KCND3: variants seen among roughly 807,000 people sequenced by gnomAD.
KCND3 encodes the protein A-type voltage-gated potassium channel KCND3.
Under a neutral mutation model 51.1 loss-of-function variants are expected in KCND3, and 9 were observed. The ratio of observed to expected loss-of-function variants is 0.18; its 90% confidence interval spans 0.11 to 0.31. The LOEUF (loss-of-function observed/expected upper bound fraction) is 0.31, where lower values mean the gene tolerates loss of function less well. KCND3 is among the 10% of genes least tolerant of loss of function. KCND3 has a pLI of 1.00. For missense variants in KCND3, 526 were observed against 903.8 expected (o/e 0.58, Z 5.36); for synonymous variants, 349 against 368.0 (o/e 0.95, Z 0.59).
intron 2 of KCND3, among the ~76,000 whole-genome samples, chr1:111,936,468 C>G: frequency 6.6e-6 from 1 of 152,040 alleles, no homozygotes; most frequent in East Asian, 1.9e-4. Context: ...GAGAGGAAGG[C>G]GAAAATGGCA....
chr1:111,926,761 T>G (rs955642404), intron 2 of KCND3, among the ~76,000 whole-genome samples: 1 of 152,274 alleles, frequency 6.6e-6, no homozygotes, highest in Non-Finnish European at 1.5e-5. Context: ...TCTGAATTCT[T>G]GTTCATCGCT....
At chr1:111,868,774 C>T (rs558091445) in intron 2 of KCND3, among the ~76,000 whole-genome samples, 2 of 152,182 alleles carry the variant, frequency 1.3e-5, no homozygotes, top group East Asian at 3.9e-4. Context: ...CTTGCTTTGT[C>T]ACCCAGGCTG....
chr1:111,799,395 C>T (rs1458932857), intron 2 of KCND3, among the ~76,000 whole-genome samples: 2 of 152,154 alleles, frequency 1.3e-5, no homozygotes, highest in South Asian at 2.1e-4. Context: ...AATCACAATG[C>T]AGATGTGAAA....
At chr1:111,897,429 C>T (rs1256557940) in intron 2 of KCND3, among the ~76,000 whole-genome samples, 2 of 152,250 alleles carry the variant, frequency 1.3e-5, no homozygotes, top group Admixed American at 6.5e-5. Flanking sequence ...TTTGTGGCTT[C>T]CTCCTTGCCG....
intron 2 of KCND3, among the ~76,000 whole-genome samples, chr1:111,971,616 G>A (rs1192313278): frequency 6.6e-6 from 1 of 152,092 alleles, no homozygotes; most frequent in Admixed American, 6.5e-5. Context: ...GAAACGGCCT[G>A]TTTATCCTTT....
At chr1:111,785,954 C>T (rs1159625939) in intron 3 of KCND3, among the ~76,000 whole-genome samples, 2 of 152,186 alleles carry the variant, frequency 1.3e-5, no homozygotes, top group Non-Finnish European at 2.9e-5. Context: ...GACAAAACCC[C>T]AAGCCTCCAA....
chr1:111,980,836 G>A (rs1024666739), intron 2 of KCND3, among the ~76,000 whole-genome samples: 25 of 152,216 alleles, frequency 1.6e-4, no homozygotes, highest in East Asian at 1.9e-4. Context: ...AGGAGACCTC[G>A]GAGAGACGGA....
At chr1:111,965,018 A>G (rs1479049457) in intron 2 of KCND3, among the ~76,000 whole-genome samples, 1 of 152,224 alleles carries the variant, frequency 6.6e-6, no homozygotes, top group Non-Finnish European at 1.5e-5. Flanking sequence ...GAAATGGGCA[A>G]CAGCAGATTC....
intron 1 of KCND3, among the ~76,000 whole-genome samples, chr1:111,985,198 C>T (rs529820212): frequency 1.1e-4 from 16 of 152,284 alleles, no homozygotes; most frequent in African/African-American, 3.9e-4. Context: ...CTCAGGCAGT[C>T]TGCTGAGGGC....
In KCND3 at chr1:111,816,941, C is replaced by A. The variant is rs74559119; in HGVS notation, c.1107-29835G>T. Among the ~76,000 whole-genome samples the A allele has an allele frequency of 4.3e-3, 656 of 152,280 alleles. 4 individuals carry two copies. The highest frequency in any genetic ancestry group is 0.015 in the African/African-American group (609 of 41,550). On this transcript the variant is annotated intron_variant, in intron 2 of 7. Coordinates refer to ENST00000302127, the MANE Select transcript of KCND3 (RefSeq NM_001378969.1). ...GCCTGTGTCTGGTGCAGTCCACAAG[C>A]ACAGGGTGCATCTGCCTACACACCT...
chr1:111,804,387 G>T (rs1307745093), intron 2 of KCND3, among the ~76,000 whole-genome samples: 1 of 152,186 alleles, frequency 6.6e-6, no homozygotes, highest in South Asian at 2.1e-4. Flanking sequence ...ACCCTGTTGC[G>T]ACTGCACGCA....
At chr1:111,867,185 C>T (rs1181643287) in intron 2 of KCND3, among the ~76,000 whole-genome samples, 3 of 152,038 alleles carry the variant, frequency 2.0e-5, no homozygotes, top group Non-Finnish European at 2.9e-5. Context: ...AATTGATGGT[C>T]CCACCATATA....
chr1:111,810,186 T>TGA (rs1665785581), intron 2 of KCND3, among the ~76,000 whole-genome samples: 1 of 151,996 alleles, frequency 6.6e-6, no homozygotes, highest in Non-Finnish European at 1.5e-5. Flanking sequence ...ATAAACTGGG[T>TGA]GAGCGACTGT....
intron 2 of KCND3, among the ~76,000 whole-genome samples, chr1:111,901,826 C>T (rs1289804661): frequency 6.6e-6 from 1 of 152,150 alleles, no homozygotes; most frequent in Non-Finnish European, 1.5e-5. Context: ...AGCATAATCT[C>T]TCACCACGGT....
chr1:111,947,571 G>A (rs1672840933), intron 2 of KCND3, among the ~76,000 whole-genome samples: 1 of 152,146 alleles, frequency 6.6e-6, no homozygotes, highest in Admixed American at 6.5e-5. Flanking sequence ...GGTGAGACTA[G>A]GACTCAAACC....
intron 2 of KCND3, among the ~76,000 whole-genome samples, chr1:111,793,398 C>T (rs1183806514): frequency 6.6e-6 from 1 of 151,358 alleles, no homozygotes; most frequent in Non-Finnish European, 1.5e-5. Context: ...AGGATGGTCT[C>T]GATCTCTTGA....
intron 2 of KCND3, among the ~76,000 whole-genome samples, chr1:111,855,352 C>G (rs1668015842): frequency 6.6e-6 from 1 of 152,224 alleles, no homozygotes; most frequent in Non-Finnish European, 1.5e-5. Flanking sequence ...AAAGCTAACT[C>G]ATCCCCCTCA....
At chr1:111,869,210 T>A (rs750672683) in intron 2 of KCND3, among the ~76,000 whole-genome samples, 2 of 152,186 alleles carry the variant, frequency 1.3e-5, no homozygotes, top group African/African-American at 2.4e-5. Flanking sequence ...GTTTGCTTTA[T>A]CGATTTCAGA....
At chr1:111,955,685 C>T (rs1673297859) in intron 2 of KCND3, among the ~76,000 whole-genome samples, 1 of 152,098 alleles carries the variant, frequency 6.6e-6, no homozygotes, top group Non-Finnish European at 1.5e-5. Flanking sequence ...ACATGAGGGT[C>T]CAATAAAGGT....
Sources: gnomAD v4.1 joint callset for allele counts (sites outside exome capture counted in the v4.1 genomes callset) on GRCh38, gnomAD v4.1.1 for gene constraint, MANE v1.5 for transcripts, NCBI Gene and HGNC (gene_info 2026-07-23, HGNC 2026-07-21) for gene names.